Variants in CCDC102A observed in about 807,000 individuals in gnomAD.
CCDC102A encodes the protein coiled-coil domain containing 102A, also known as coiled-coil domain-containing protein 102A.
In CCDC102A, 40 loss-of-function variants were observed where a neutral mutation model predicts 55.5. The observed-to-expected ratio is 0.72, with a 90% CI of 0.56 to 0.94. CCDC102A has a LOEUF of 0.94. CCDC102A is among the 40% of genes least tolerant of loss of function. The pLI is 0.00. For missense variants in CCDC102A, 779 were observed against 768.6 expected (o/e 1.01, Z -0.16); for synonymous variants, 323 against 339.0 (o/e 0.95, Z 0.52).
At chr16:57,525,474 T>C (rs2032123022) in intron 3 of CCDC102A, among the ~76,000 whole-genome samples, 1 of 152,146 alleles carries the variant, frequency 6.6e-6, no homozygotes, top group Non-Finnish European at 1.5e-5. Flanking sequence ...GCCTGTCTCA[T>C]GAACTCCAGA....
chr16:57,524,141 T>C (rs1301613861), intron 3 of CCDC102A, among the ~76,000 whole-genome samples: 1 of 151,898 alleles, frequency 6.6e-6, no homozygotes, highest in Non-Finnish European at 1.5e-5. Context: ...TGCAGAAACA[T>C]GTGTTCAGAC....
At position 57,528,923 on chromosome 16, in the gene CCDC102A, C is replaced by T. The variant is rs1356388781; in HGVS notation, c.255G>A (p.Ala85=). ...TGGTCTTCTCCATCTGCGCCGCCCG[C>T]GCCCGCGCCTCCTCCAGCTCCCGCA... ...LRLRELEEAR[A]RAAQMEKTMR... Residue 85 remains alanine, a synonymous_variant, in exon 2 of 9, where the codon GCG becomes GCA. Coordinates refer to ENST00000258214, the MANE Select transcript of CCDC102A (RefSeq NM_033212.4). 2 of 1,402,652 alleles carry T rather than the reference C, an allele frequency of 1.4e-6. No homozygotes were observed. Among genetic ancestry groups the T allele is most frequent in the African/African-American group, 3.1e-5 (2 of 64,468 alleles). The allele number at this position is 1,402,652 out of a possible 1,614,324, so 86.9% of individuals were successfully genotyped here.
chr16:57,533,852 C>T (rs892669858), intron 1 of CCDC102A, among the ~76,000 whole-genome samples: 2 of 152,190 alleles, frequency 1.3e-5, no homozygotes, highest in African/African-American at 2.4e-5. Flanking sequence ...CTGCCCTGCC[C>T]GCCCCTTCCA....
chr16:57,518,396 T>C (rs2031994404), intron 5 of CCDC102A, 119 bp from the exon 6 acceptor site: 11 of 943,506 alleles, frequency 1.2e-5, no homozygotes, highest in Non-Finnish European at 1.7e-5. Flanking sequence ...TCCAGCTGCA[T>C]TGGCTGTAAT....
At chr16:57,532,098 T>G (rs1289823146) in intron 1 of CCDC102A, among the ~76,000 whole-genome samples, 1 of 152,128 alleles carries the variant, frequency 6.6e-6, no homozygotes, top group African/African-American at 2.4e-5. Flanking sequence ...AGTTTCCCCA[T>G]GTGTAGAAGG....
Position 57,518,180 on chromosome 16 carries a change from C to A in CCDC102A, c.1136G>T (p.Arg379Leu). ...CTCCTCCAGGTCTCCGACCTGTGCC[C>A]GCAGCTTCTTGTTCTCCCGCTCAAG... ...LGLERENKKL[R>L]AQVGDLEEAL... The change falls in exon 6 of 9, where the codon CGG becomes CTG. Residue 379 changes from arginine to leucine, a missense_variant. Arg to Leu is a moderately radical substitution (Grantham distance 102). Coordinates refer to ENST00000258214, the MANE Select transcript of CCDC102A (RefSeq NM_033212.4). 1 of 1,612,620 alleles carries A rather than the reference C, an allele frequency of 6.2e-7. No individual in the cohort carries two copies. The highest frequency in any genetic ancestry group is 8.5e-7 in the Non-Finnish European group (1 of 1,179,896).
At chr16:57,524,161 C>T (rs2032095200) in intron 3 of CCDC102A, among the ~76,000 whole-genome samples, 1 of 151,976 alleles carries the variant, frequency 6.6e-6, no homozygotes, top group Non-Finnish European at 1.5e-5. Context: ...CCAAGCCTTG[C>T]AGGGAACATA....
chr16:57,516,639 A>G lies in CCDC102A; in HGVS notation c.1249-176T>C. The G allele has an allele frequency of 1.6e-6, 1 of 625,900 alleles. No homozygotes were observed. Among genetic ancestry groups the G allele is most frequent in the South Asian group, 1.9e-5 (1 of 52,004 alleles). 38.8% of individuals were successfully genotyped at this position (625,900 alleles called of 1,614,324 possible). A position where few individuals can be genotyped will look rare whatever the true frequency, so the allele number is the denominator to read the frequency against. ...AGTAGAGGTTTGGCTGAGCAGCCAG[A>G]GGCTGGAGGTGCCTTCCAGGGAGGT... On this transcript the variant is annotated intron_variant, in intron 6 of 8. Transcript: ENST00000258214. This position sits in a 1 kb window ranked among gnomAD's most constrained non-coding sequence, Gnocchi z 4.4.
rs771575726 is a variant in CCDC102A, at chr16:57,528,791, C to A, written c.387G>T (p.Leu129=). ...REEVRQLRQR[L]DALTKELAGA... is the part of the protein sequence containing the mutation. The stretch of plus-strand genomic sequence containing the variant: ...CCGCCAGCTCCTTGGTGAGCGCGTC[C>A]AGGCGCTGGCGCAGCTGGCGCACCT... Residue 129 remains leucine (L), a synonymous_variant, in exon 2 of 9, where the codon CTG becomes CTT. Transcript: ENST00000258214. 565 of 1,213,204 alleles carry A rather than the reference C, an allele frequency of 4.7e-4. 3 individuals are homozygous for A. Among genetic ancestry groups the A allele is most frequent in the Non-Finnish European group, 2.4e-4 (236 of 967,090 alleles). The allele number at this position is 1,213,204 out of a possible 1,614,324, so 75.2% of individuals were successfully genotyped here.
chr16:57,528,588 C>A lies in CCDC102A; in HGVS notation c.585+5G>T. ...GAGCGCGAACGCCCCGCCCGCGCCG[C>A]GCACCTGGCTGCCTGGCGGCCTCTC... On this transcript the variant is annotated splice_donor_5th_base_variant and intron_variant, in intron 2 of 8. Transcript: ENST00000258214. 1 of 1,251,516 alleles carries A rather than the reference C, an allele frequency of 8.0e-7. No homozygotes were observed. The highest frequency in any genetic ancestry group is 1.0e-6 in the Non-Finnish European group (1 of 990,592). 77.5% of individuals were successfully genotyped at this position (1,251,516 alleles called of 1,614,324 possible).
intron 7 of CCDC102A, among the ~76,000 whole-genome samples, chr16:57,515,790 CCATT>C (rs2146698154): frequency 1.3e-5 from 2 of 151,420 alleles, no homozygotes; most frequent in East Asian, 3.9e-4. Context: ...CACTCCCCAT[CCATT>C]AATCTAATCA....
intron 4 of CCDC102A, among the ~76,000 whole-genome samples, chr16:57,520,501 C>T (rs540287589): frequency 6.7e-6 from 1 of 150,090 alleles, no homozygotes; most frequent in Non-Finnish European, 1.5e-5. Flanking sequence ...AAGGCAGGGA[C>T]CTTGCCTGCC....
chr16:57,520,259 G>C (rs1038081113), intron 4 of CCDC102A, among the ~76,000 whole-genome samples: 5 of 152,122 alleles, frequency 3.3e-5, no homozygotes, highest in Non-Finnish European at 5.9e-5. Flanking sequence ...GCTTGTTCCT[G>C]CCTCAGGACC....
At chr16:57,515,295 T>C (rs2031934004) in intron 8 of CCDC102A, 46 bp downstream of exon 8, 1 of 1,234,568 alleles carries the variant, frequency 8.1e-7, no homozygotes, top group Non-Finnish European at 1.2e-6. Flanking sequence ...GAGGGTTCCC[T>C]GGCTGGAAGT....
intron 4 of CCDC102A, among the ~76,000 whole-genome samples, chr16:57,520,088 G>A (rs2032019841): frequency 6.6e-6 from 1 of 152,220 alleles, no homozygotes; most frequent in Admixed American, 6.5e-5. Context: ...TCCCTGGGCT[G>A]CCATGAGGCT....
At chr16:57,528,562 G>C (rs1453045199) in intron 2 of CCDC102A, 31 bp downstream of exon 2, 6 of 1,199,958 alleles carry the variant, frequency 5.0e-6, no homozygotes, top group Non-Finnish European at 6.2e-6. Flanking sequence ...CTTCGAGACT[G>C]GAGCGCGAAC....
intron 1 of CCDC102A, among the ~76,000 whole-genome samples, chr16:57,532,111 G>A (rs1218430593): frequency 6.6e-6 from 1 of 152,118 alleles, no homozygotes; most frequent in Non-Finnish European, 1.5e-5. Context: ...GTAGAAGGGG[G>A]GATGTGTGAG....
intron 1 of CCDC102A, among the ~76,000 whole-genome samples, chr16:57,532,698 GACACACACACAC>G (rs10535195): frequency 2.6e-4 from 38 of 148,280 alleles, no homozygotes; most frequent in Admixed American, 8.7e-4. Context: ...AAGTGAAGCA[GACACACACACAC>G]ACACACACAC....
intron 3 of CCDC102A, among the ~76,000 whole-genome samples, chr16:57,524,225 A>T (rs1295685083): frequency 6.6e-6 from 1 of 151,982 alleles, no homozygotes; most frequent in Non-Finnish European, 1.5e-5. Context: ...CGAGAAGAAC[A>T]AGGTGGGCCA....
Sources: allele counts gnomAD v4.1 joint callset (sites outside exome capture counted in the v4.1 genomes callset), GRCh38; gene constraint gnomAD v4.1.1; non-coding constraint Gnocchi (gnomAD v3.1); transcripts MANE v1.5; gene names NCBI Gene and HGNC (gene_info 2026-07-23, HGNC 2026-07-21).